Variants in CYTH3 observed in about 807,000 individuals in gnomAD.
CYTH3 encodes cytohesin-3.
CYTH3 carries 23 observed loss-of-function variants against 55.1 expected under a neutral mutation model. That is an observed-to-expected ratio of 0.42 (90% CI 0.30 to 0.59). The LOEUF (loss-of-function observed/expected upper bound fraction) is 0.59. CYTH3 is among the 20% of genes least tolerant of loss of function. CYTH3 has a pLI of 0.20. For missense variants in CYTH3, 413 were observed against 524.8 expected (o/e 0.79, Z 2.08); for synonymous variants, 249 against 194.9 (o/e 1.28, Z -2.31).
chr7:6,163,697 C>A lies in CYTH3; in HGVS notation c.*1247G>T, dbSNP rs1166694690. 6.6e-6 allele frequency: 1 copy of A among 152,266 alleles called. No homozygotes were observed. Among genetic ancestry groups the A allele is most frequent in the Non-Finnish European group, 1.5e-5 (1 of 68,086 alleles). The allele number at this position is 152,266 out of a possible 1,614,324, so 9.4% of individuals were successfully genotyped here. On this transcript the variant is annotated 3_prime_UTR_variant, in exon 13 of 13. Transcript: ENST00000350796. ...TATCTGGGTTCTCTACGTGCCGGGC[C>A]TCTGCACCCCAGGGCCTGTTCTTCC...
At chr7:6,222,881 C>T (rs972549673) in intron 1 of CYTH3, among the ~76,000 whole-genome samples, 2 of 151,908 alleles carry the variant, frequency 1.3e-5, no homozygotes, top group African/African-American at 4.8e-5. Flanking sequence ...GCTAATATGA[C>T]AAAAGAACAT....
intron 11 of CYTH3, 51 bp downstream of exon 11, chr7:6,165,494 G>C: frequency 6.2e-7 from 1 of 1,610,180 alleles, no homozygotes; most frequent in Non-Finnish European, 8.5e-7. Context: ...AGGCAGTGAG[G>C]ATGGCTCCCA....
intron 1 of CYTH3, among the ~76,000 whole-genome samples, chr7:6,200,483 G>A (rs1265116257): frequency 6.6e-6 from 1 of 152,178 alleles, no homozygotes; most frequent in Non-Finnish European, 1.5e-5. Flanking sequence ...TCACAACTGT[G>A]TATTTCTGGC....
At chr7:6,263,906 G>A (rs1018479252) in intron 1 of CYTH3, among the ~76,000 whole-genome samples, 12 of 152,066 alleles carry the variant, frequency 7.9e-5, no homozygotes, top group African/African-American at 2.2e-4. Context: ...TCTAATGCAA[G>A]CTGCAGAAGA....
At chr7:6,180,233 G>A (rs986061656) in intron 4 of CYTH3, among the ~76,000 whole-genome samples, 10 of 152,214 alleles carry the variant, frequency 6.6e-5, no homozygotes, top group African/African-American at 1.2e-4. Context: ...CCAGGGAACT[G>A]AATGGGCCTG....
At chr7:6,178,694 AT>A (rs1783406810) in intron 4 of CYTH3, among the ~76,000 whole-genome samples, 2 of 152,144 alleles carry the variant, frequency 1.3e-5, no homozygotes, top group South Asian at 4.2e-4. Context: ...TGTAAGATAC[AT>A]TTTGTTGGAT....
In CYTH3 at chr7:6,257,990, C is replaced by T. The variant is rs992084139; in HGVS notation, c.34+14484G>A. Among the ~76,000 whole-genome samples, 19 of 152,004 alleles carry T rather than the reference C, an allele frequency of 1.2e-4. 1 individual carries two copies. Among genetic ancestry groups the T allele is most frequent in the African/African-American group, 3.9e-4 (16 of 41,356 alleles). ...ATGCAAGCTGGCTACTCATCCAGGT[C>T]CAACAAAGTCTAGCATAAGAAATGC... On this transcript the variant is annotated intron_variant, in intron 1 of 12. Coordinates refer to ENST00000350796, the MANE Select transcript of CYTH3 (RefSeq NM_004227.4).
chr7:6,241,837 T>C (rs762787714), intron 1 of CYTH3, among the ~76,000 whole-genome samples: 3 of 152,172 alleles, frequency 2.0e-5, no homozygotes, highest in Non-Finnish European at 4.4e-5. Context: ...AAAGGCTCTG[T>C]GTAGCGAAAT....
intron 4 of CYTH3, among the ~76,000 whole-genome samples, chr7:6,182,687 A>C (rs1783533761): frequency 6.6e-6 from 1 of 152,016 alleles, no homozygotes; most frequent in African/African-American, 2.4e-5. Flanking sequence ...TTTTAAAAAA[A>C]CTGTTTATAG....
Position 6,170,665 on chromosome 7 carries a change from G to A in CYTH3, c.712-19C>T. 6.2e-7 allele frequency: 1 copy of A among 1,609,096 alleles called. No homozygotes were observed. Among genetic ancestry groups the A allele is most frequent in the Non-Finnish European group, 8.5e-7 (1 of 1,177,430 alleles). ...ACAAATTCTGCAAGGAGGGAAAACA[G>A]CAGCCAGTTCAGAGACTCGGAGGAA... On this transcript the variant is annotated intron_variant, in intron 8 of 12. Coordinates refer to ENST00000350796, the MANE Select transcript of CYTH3 (RefSeq NM_004227.4). The surrounding 1 kb of genome is among the most constrained non-coding windows in gnomAD (Gnocchi z 7.8).
intron 1 of CYTH3, among the ~76,000 whole-genome samples, chr7:6,227,574 C>T (rs757653508): frequency 3.9e-5 from 6 of 152,134 alleles, no homozygotes; most frequent in Non-Finnish European, 7.4e-5. Context: ...AGAATCAAAA[C>T]GAGGATGCCA....
At chr7:6,199,254 G>T (rs1203487177) in intron 1 of CYTH3, among the ~76,000 whole-genome samples, 1 of 152,164 alleles carries the variant, frequency 6.6e-6, no homozygotes, top group East Asian at 1.9e-4. Flanking sequence ...TATATTTTAG[G>T]TTCAGGTTTG....
At chr7:6,259,812 TAATATATATATATA>T in intron 1 of CYTH3, among the ~76,000 whole-genome samples, 1 of 29,348 alleles carries the variant, frequency 3.4e-5, no homozygotes, top group Non-Finnish European at 4.8e-5. Context: ...TATATATATA[TAATATATATATATA>T]TATATATTTT....
At chr7:6,174,537 G>A (rs1417394680) in intron 5 of CYTH3, among the ~76,000 whole-genome samples, 1 of 138,846 alleles carries the variant, frequency 7.2e-6, no homozygotes, top group Admixed American at 7.1e-5. Flanking sequence ...ATCTCCTTGT[G>A]GGTTTTTTTT....
chr7:6,254,368 C>T (rs1780048904), intron 1 of CYTH3, among the ~76,000 whole-genome samples: 1 of 152,172 alleles, frequency 6.6e-6, no homozygotes, highest in Non-Finnish European at 1.5e-5. Context: ...TGTTAGTTAT[C>T]TTAAGAATGA....
chr7:6,233,628 C>G (rs544308724), intron 1 of CYTH3, among the ~76,000 whole-genome samples: 1 of 149,960 alleles, frequency 6.7e-6, no homozygotes, highest in Admixed American at 6.7e-5. Context: ...TGCACTCCAG[C>G]CTGGGTGACA....
chr7:6,262,741 C>T lies in CYTH3; in HGVS notation c.34+9733G>A, dbSNP rs78435392. Among the ~76,000 whole-genome samples, 1,233 of 152,186 alleles carry T rather than the reference C, an allele frequency of 8.1e-3. 16 individuals carry two copies. Among genetic ancestry groups the T allele is most frequent in the African/African-American group, 0.028 (1,176 of 41,520 alleles). On this transcript the variant is annotated intron_variant, in intron 1 of 12. Coordinates refer to ENST00000350796, the MANE Select transcript of CYTH3 (RefSeq NM_004227.4). ...AACTTGAAAGCCTCCAACTATAATCCTGATGAAACTATCCTTCAAAAACAG... is the reference window on the plus strand; with the variant it reads ...AACTTGAAAGCCTCCAACTATAATCTTGATGAAACTATCCTTCAAAAACAG...
chr7:6,173,970 G>A (rs762188091), intron 5 of CYTH3, among the ~76,000 whole-genome samples: 1 of 152,054 alleles, frequency 6.6e-6, no homozygotes, highest in Admixed American at 6.6e-5. Context: ...CAAAGTGCTG[G>A]GATTACAGGC....
intron 1 of CYTH3, among the ~76,000 whole-genome samples, chr7:6,255,873 C>CCTGAGTAG (rs1780090582): frequency 6.7e-6 from 1 of 149,628 alleles, no homozygotes. Context: ...ACGCGATTCT[C>CCTGAGTAG]CTGCCTCAGC....
Sources: gnomAD v4.1 joint callset for allele counts (sites outside exome capture counted in the v4.1 genomes callset) on GRCh38, gnomAD v4.1.1 for gene constraint, Gnocchi (gnomAD v3.1) non-coding constraint, MANE v1.5 for transcripts, NCBI Gene and HGNC (gene_info 2026-07-23, HGNC 2026-07-21) for gene names.